PGBD1: variants seen among roughly 807,000 people sequenced by gnomAD.
PGBD1 encodes the protein piggyBac transposable element derived 1, also known as piggyBac transposable element-derived protein 1.
A neutral mutation model predicts 34.7 loss-of-function variants in PGBD1; 25 were observed. That is an observed-to-expected ratio of 0.72 (90% CI 0.52 to 1.00). PGBD1 has a LOEUF of 1.00. PGBD1 is among the 50% of genes least tolerant of loss of function. The pLI, the probability that PGBD1 is intolerant of heterozygous loss-of-function variation, is 0.00. For synonymous variants in PGBD1, 292 were observed against 335.7 expected, an observed-to-expected ratio of 0.87 and a Z score of 1.42; for missense variants, 830 against 959.4, an observed-to-expected ratio of 0.87 and a Z score of 1.78.
In PGBD1 at chr6:28,283,805, A is replaced by G. The variant is rs747414947; in HGVS notation, c.-9A>G. 3 of 1,569,862 alleles carry G rather than the reference A, an allele frequency of 1.9e-6. No homozygotes were observed. The highest frequency in any genetic ancestry group is 4.5e-5 in the East Asian group (2 of 44,270). ...CAAGCTAAGTGAAGCTTTAGCCTCT[A>G]AGCTCAACATGTATGAAGCTTTGCC... On this transcript the variant is annotated 5_prime_UTR_variant, in exon 2 of 7. Transcript: ENST00000682144.
In PGBD1 at chr6:28,281,597, C is replaced by T. The variant is rs1581624655; in HGVS notation, c.-360C>T. The T allele has an allele frequency of 5.2e-6, 2 of 384,994 alleles. No individual in the cohort carries two copies. The highest frequency in any genetic ancestry group is 1.4e-4 in the South Asian group (1 of 6,900). 23.8% of individuals were successfully genotyped at this position (384,994 alleles called of 1,614,324 possible). Reference sequence around the variant, plus strand: ...GTACCCGCCCAGCTGCTGGAGGCGCCGGCAGCGCCCGCCAGACCCGCCAGC... The same window carrying T: ...GTACCCGCCCAGCTGCTGGAGGCGCTGGCAGCGCCCGCCAGACCCGCCAGC... On this transcript the variant is annotated 5_prime_UTR_variant, in exon 1 of 7. Coordinates refer to ENST00000682144, the MANE Select transcript of PGBD1 (RefSeq NM_032507.4).
At position 28,283,952 on chromosome 6, in the gene PGBD1, T is replaced by G. The variant is rs760496822; in HGVS notation, c.139T>G (p.Phe47Val). The change falls in exon 2 of 7, where the codon TTT becomes GTT. Residue 47 changes from phenylalanine (F) to valine (V), a missense_variant. Around this residue, in one of 3 missense-constraint regions of PGBD1, gnomAD observed 457 missense variants for 515.4 expected, o/e 0.89. Transcript: ENST00000682144. ...SHTQEICRLR[F>V]RHFCYQEAHG... ...CACTCAGGAGATTTGCCGCCTGCGC[T>G]TTCGGCACTTCTGCTACCAGGAGGC... The G allele has an allele frequency of 1.2e-6, 2 of 1,614,186 alleles. No homozygotes were observed. The highest frequency in any genetic ancestry group is 1.1e-5 in the South Asian group (1 of 91,080).
chr6:28,286,987 A>G, intron 3 of PGBD1, 93 bp from the exon 4 acceptor site: 1 of 928,544 alleles, frequency 1.1e-6, no homozygotes, highest in East Asian at 2.5e-5. Context: ...TGTTTAACAA[A>G]CATAACATTT....
chr6:28,301,486 C>A lies in PGBD1; in HGVS notation c.1632C>A (p.Cys544Ter), dbSNP rs114020324. ...ATGCTCCCCTGGAAGAATACTATTG[C>A]TTTGATAAGTCAATGTGTGAATGCT... ...LLYAPLEEYY[C>*]FDKSMCECFD... The change falls in exon 7 of 7, where the codon TGC becomes TGA. Residue 544 changes from cysteine (C) to a stop codon, truncating the protein, a stop_gained. Transcript: ENST00000682144. LOFTEE classifies it low-confidence loss of function (END_TRUNC). 6.2e-7 allele frequency: 1 copy of A among 1,613,898 alleles called. No individual in the cohort carries two copies. The highest frequency in any genetic ancestry group is 2.2e-5 in the East Asian group (1 of 44,876).
intron 6 of PGBD1, among the ~76,000 whole-genome samples, chr6:28,299,894 G>A (rs997982324): frequency 1.3e-4 from 20 of 151,810 alleles, no homozygotes; most frequent in Admixed American, 2.0e-4. Flanking sequence ...CCAGCTACTC[G>A]GGAGGCTGAG....
intron 4 of PGBD1, among the ~76,000 whole-genome samples, chr6:28,293,830 A>G (rs1581635393): frequency 6.6e-6 from 1 of 152,278 alleles, no homozygotes; most frequent in Admixed American, 6.5e-5. Flanking sequence ...GGTCCTTGCT[A>G]TGTCCTGAGA....
At position 28,297,816 on chromosome 6, in the gene PGBD1, G is replaced by GTTT. The variant is rs368634720; in HGVS notation, c.773-52_773-50dup. ...GGAACATCTATTCCCTACCCTGGAAGTTTTTTTTTTTTTTTTTTTTTTTTT... is the reference window on the plus strand; with the variant it reads ...GGAACATCTATTCCCTACCCTGGAAGTTTTTTTTTTTTTTTTTTTTTTTTTTTT... On this transcript the variant is annotated intron_variant, in intron 5 of 6. Transcript: ENST00000682144. 586 of 350,508 alleles carry GTTT rather than the reference G, an allele frequency of 1.7e-3. 113 individuals are homozygous for GTTT. The highest frequency in any genetic ancestry group is 4.2e-3 in the Middle Eastern group (6 of 1,416). The allele number at this position is 350,508 out of a possible 1,614,324, so 21.7% of individuals were successfully genotyped here.
At chr6:28,287,256 C>T in intron 4 of PGBD1, 88 bp downstream of exon 4, 2 of 1,167,526 alleles carry the variant, frequency 1.7e-6, no homozygotes, top group South Asian at 1.2e-5. Context: ...GGCTCACACT[C>T]ATCATCGTGA....
chr6:28,292,407 T>C (rs1420282024), intron 4 of PGBD1, among the ~76,000 whole-genome samples: 1 of 152,048 alleles, frequency 6.6e-6, no homozygotes, highest in Admixed American at 6.5e-5. Context: ...AAATTTAGTG[T>C]TTAAATTCCC....
Position 28,287,278 on chromosome 6 carries a change from G to T in PGBD1, c.642+110G>T, listed in dbSNP as rs936618700. On this transcript the variant is annotated intron_variant, in intron 4 of 6. Transcript: ENST00000682144. ...ACTCATCATCGTGAGAGCCATTCAGGTGGCATAGTCCCTCTGCCTTCACCT... is the reference window on the plus strand; with the variant it reads ...ACTCATCATCGTGAGAGCCATTCAGTTGGCATAGTCCCTCTGCCTTCACCT... 24 of 898,838 alleles carry T rather than the reference G, an allele frequency of 2.7e-5. No homozygotes were observed. In the African/African-American group the frequency reaches 3.3e-4, roughly 12 times the overall value. The allele number at this position is 898,838 out of a possible 1,614,324, so 55.7% of individuals were successfully genotyped here.
At chr6:28,289,401 C>T (rs1394561620) in intron 4 of PGBD1, among the ~76,000 whole-genome samples, 1 of 152,162 alleles carries the variant, frequency 6.6e-6, no homozygotes, top group East Asian at 1.9e-4. Flanking sequence ...TGAGAGAGTA[C>T]ACCACCACCA....
rs749278312 is a variant in PGBD1, at chr6:28,300,988, G to A, written c.1134G>A (p.Lys378=). ...AGCCTGAGATCCAGCCTGCTCAAAA[G>A]AAGTTAAAGGTATCATGTTTCCCAG... ...DNEPEIQPAQ[K]KLKVSCFPEK... The change falls in exon 7 of 7, where the codon AAG becomes AAA. Residue 378 remains lysine (K), a synonymous_variant. Coordinates refer to ENST00000682144, the MANE Select transcript of PGBD1 (RefSeq NM_032507.4). The surrounding 1 kb of genome is among the most constrained non-coding windows in gnomAD (Gnocchi z 4.0). 6.2e-7 allele frequency: 1 copy of A among 1,614,176 alleles called. No individual in the cohort carries two copies. The highest frequency in any genetic ancestry group is 2.2e-5 in the East Asian group (1 of 44,884).
chr6:28,301,589 T>TA lies in PGBD1; in HGVS notation c.1736dup (p.Tyr579Ter). Residue 579 changes from tyrosine (Y) to a stop codon, truncating the protein, a stop_gained and frameshift_variant, in exon 7 of 7, where the codon TAT becomes TAAT. Transcript: ENST00000682144. LOFTEE classifies it low-confidence loss of function (END_TRUNC). ...TTGGTGTGGTACAACCACACAGGGTTATCTGGTTTGGTTTGAACCCTATCA... is the reference window on the plus strand; with the variant it reads ...TTGGTGTGGTACAACCACACAGGGTTAATCTGGTTTGGTTTGAACCCTATCA... The part of the protein sequence containing the change: ...KIWCGTTTQG[Y>*]LVWFEPYQEE... The TA allele has an allele frequency of 1.2e-6, 2 of 1,614,182 alleles. No homozygotes were observed. The highest frequency in any genetic ancestry group is 1.7e-6 in the Non-Finnish European group (2 of 1,180,030).
At chr6:28,284,416 G>A (rs1762222934) in intron 2 of PGBD1, among the ~76,000 whole-genome samples, 1 of 108,594 alleles carries the variant, frequency 9.2e-6, no homozygotes, top group Admixed American at 8.7e-5. Context: ...GTACAAGGAA[G>A]TGCATTCCCC....
chr6:28,301,989 G>A lies in PGBD1; in HGVS notation c.2135G>A (p.Cys712Tyr), dbSNP rs1762861296. The change falls in exon 7 of 7, where the codon TGT becomes TAT. Residue 712 changes from cysteine to tyrosine, a missense_variant. Cys to Tyr is a radical substitution (Grantham distance 194). Around this residue, in one of 3 missense-constraint regions of PGBD1, gnomAD observed 372 missense variants for 427.9 expected, o/e 0.87. Coordinates refer to ENST00000682144, the MANE Select transcript of PGBD1 (RefSeq NM_032507.4). ...ATAGAACCAGTCAATGAGGTAAGCT[G>A]TTGTGATGCTGATAACGAAGAAATC... ...VGIEPVNEVS[C>Y]CDADNEEIPQ... 6.2e-7 allele frequency: 1 copy of A among 1,614,224 alleles called. No individual in the cohort carries two copies.
Position 28,284,094 on chromosome 6 carries a change from C to A in PGBD1, c.281C>A (p.Thr94Asn). ...MELLVLEQFL[T>N]ILPKELQPCV... The stretch of plus-strand genomic sequence containing the variant: ...CTGCTGGTGCTGGAGCAGTTCCTGA[C>A]CATCCTGCCCAAGGAGCTCCAGCCC... Residue 94 changes from threonine to asparagine, a missense_variant, in exon 2 of 7, where the codon ACC becomes AAC. This residue lies in a region of PGBD1 where 457 missense variants were observed against 515.4 expected (regional missense o/e 0.89). Coordinates refer to ENST00000682144, the MANE Select transcript of PGBD1 (RefSeq NM_032507.4). 1 of 1,614,128 alleles carries A rather than the reference C, an allele frequency of 6.2e-7. No homozygotes were observed. The highest frequency in any genetic ancestry group is 1.1e-5 in the South Asian group (1 of 91,076).
At chr6:28,283,207 G>A (rs6901575) in intron 1 of PGBD1, among the ~76,000 whole-genome samples, 25,362 of 152,146 alleles carry the variant, frequency 0.17, 2,486 homozygotes, top group African/African-American at 0.27. Flanking sequence ...AAGAGCTACA[G>A]CAGCACTCTC....
chr6:28,284,370 T>G (rs978495709), intron 2 of PGBD1, among the ~76,000 whole-genome samples, 161 bp downstream of exon 2: 3 of 152,172 alleles, frequency 2.0e-5, no homozygotes, highest in African/African-American at 7.2e-5. Flanking sequence ...GTTGTTAACA[T>G]TTGTTTGATG....
At chr6:28,282,847 T>C (rs1762170555) in intron 1 of PGBD1, among the ~76,000 whole-genome samples, 2 of 152,052 alleles carry the variant, frequency 1.3e-5, no homozygotes, top group South Asian at 4.1e-4. Flanking sequence ...AACAGAGATA[T>C]ATTGAAAGTG....
Sources: allele counts gnomAD v4.1 joint callset (sites outside exome capture counted in the v4.1 genomes callset), GRCh38; gene constraint gnomAD v4.1.1; regional missense constraint gnomAD v4.1.1; non-coding constraint Gnocchi (gnomAD v3.1); transcripts MANE v1.5; gene names NCBI Gene and HGNC (gene_info 2026-07-23, HGNC 2026-07-21).